The following ENOX1 variants were observed in gnomAD, a reference collection of about 807,000 sequenced individuals.
ENOX1 encodes the protein ecto-NOX disulfide-thiol exchanger 1, also known as candidate growth-related and time keeping constitutive hydroquinone (NADH) oxidase.
In ENOX1, 42 loss-of-function variants were observed where a neutral mutation model predicts 82.5. That is an observed-to-expected ratio of 0.51 (90% confidence interval 0.40 to 0.66). The LOEUF is 0.66. ENOX1 is among the 30% of genes least tolerant of loss of function. The pLI is 0.00. For synonymous variants in ENOX1, 271 were observed against 282.2 expected, an observed-to-expected ratio of 0.96 and a Z score of 0.40; for missense variants, 608 against 811.6, an observed-to-expected ratio of 0.75 and a Z score of 3.05.
At chr13:43,760,360 G>C (rs1950893918) in intron 1 of ENOX1, among the ~76,000 whole-genome samples, 1 of 152,080 alleles carries the variant, frequency 6.6e-6, no homozygotes, top group Admixed American at 6.6e-5. Flanking sequence ...CAGTGCTCCT[G>C]GTAATCCTCA....
intron 1 of ENOX1, among the ~76,000 whole-genome samples, chr13:43,699,209 G>A (rs1018383072): frequency 1.8e-4 from 27 of 152,196 alleles, no homozygotes; most frequent in African/African-American, 6.0e-4. Context: ...CATCAGCTAA[G>A]AAATGACTTG....
intron 11 of ENOX1, among the ~76,000 whole-genome samples, chr13:43,317,730 G>A (rs1366043195): frequency 6.6e-6 from 1 of 151,848 alleles, no homozygotes; most frequent in African/African-American, 2.4e-5. Flanking sequence ...TCCGGGCCAG[G>A]CGTGGTGGCT....
At chr13:43,262,249 G>A (rs1056986962) in intron 14 of ENOX1, among the ~76,000 whole-genome samples, 3 of 151,854 alleles carry the variant, frequency 2.0e-5, no homozygotes, top group Admixed American at 6.6e-5. Flanking sequence ...TAATTTGCAA[G>A]CTTCAAACAT....
At chr13:43,739,817 TTTC>T (rs2089815108) in intron 1 of ENOX1, among the ~76,000 whole-genome samples, 1 of 151,886 alleles carries the variant, frequency 6.6e-6, no homozygotes, top group Non-Finnish European at 1.5e-5. Context: ...AAACTCAAAT[TTTC>T]TTCTGCCTCT....
At chr13:43,318,965 C>T (rs755439534) in intron 11 of ENOX1, among the ~76,000 whole-genome samples, 17 of 151,492 alleles carry the variant, frequency 1.1e-4, no homozygotes, top group Non-Finnish European at 1.5e-4. Context: ...ACAGAGTCAA[C>T]CTGGAGGGAG....
At chr13:43,367,297 T>TTATTATTATA (rs1262850210) in intron 5 of ENOX1, among the ~76,000 whole-genome samples, 3 of 152,198 alleles carry the variant, frequency 2.0e-5, no homozygotes, top group African/African-American at 7.2e-5. Flanking sequence ...GATATGTTAA[T>TTATTATTATA]TATTATTATA....
chr13:43,766,510 G>A lies in ENOX1; in HGVS notation c.-285+20142C>T, dbSNP rs571920995. ...GCACTCAAGCCAAAGCACCACAATCGTCCCAGCCTCCGGGACAATGGGGTA... is the reference window on the plus strand; with the variant it reads ...GCACTCAAGCCAAAGCACCACAATCATCCCAGCCTCCGGGACAATGGGGTA... On this transcript the variant is annotated intron_variant, in intron 1 of 16. Coordinates refer to ENST00000690772, the MANE Select transcript of ENOX1 (RefSeq NM_001347969.2). Among the ~76,000 whole-genome samples the A allele has an allele frequency of 5.9e-5, 9 of 152,232 alleles. 1 individual carries two copies. In the East Asian group the frequency reaches 9.7e-4, roughly 16 times the overall value.
chr13:43,581,188 A>C (rs1488487523), intron 2 of ENOX1, among the ~76,000 whole-genome samples: 1 of 119,612 alleles, frequency 8.4e-6, no homozygotes, highest in African/African-American at 3.2e-5. Flanking sequence ...GCTGGAGTGC[A>C]GTGGCGGGAT....
chr13:43,552,128 TA>T (rs938148224), intron 2 of ENOX1, among the ~76,000 whole-genome samples: 1 of 151,786 alleles, frequency 6.6e-6, no homozygotes, highest in African/African-American at 2.4e-5. Flanking sequence ...AGCCCTGACT[TA>T]AGAAAAAAAA....
At chr13:43,404,474 C>A (rs142078111) in intron 5 of ENOX1, among the ~76,000 whole-genome samples, 1 of 152,310 alleles carries the variant, frequency 6.6e-6, no homozygotes, top group African/African-American at 2.4e-5. Context: ...TTCCTGCTAA[C>A]TAGATAAGTC....
intron 15 of ENOX1, among the ~76,000 whole-genome samples, chr13:43,234,232 C>T (rs906557580): frequency 5.9e-5 from 9 of 152,070 alleles, no homozygotes; most frequent in African/African-American, 2.2e-4. Context: ...AAACTCTTTC[C>T]CATTGTGGCA....
At chr13:43,568,364 A>G (rs1026035919) in intron 2 of ENOX1, among the ~76,000 whole-genome samples, 1 of 152,152 alleles carries the variant, frequency 6.6e-6, no homozygotes, top group African/African-American at 2.4e-5. Flanking sequence ...TTAAAATTCC[A>G]GCTTTTGCCA....
intron 1 of ENOX1, among the ~76,000 whole-genome samples, chr13:43,711,491 A>C (rs1262776956): frequency 6.6e-5 from 10 of 152,056 alleles, no homozygotes; most frequent in Admixed American, 6.6e-4. Flanking sequence ...CTGAGGAATC[A>C]CCATACTGAC....
At chr13:43,320,874 C>T (rs1372526868) in intron 11 of ENOX1, among the ~76,000 whole-genome samples, 1 of 152,204 alleles carries the variant, frequency 6.6e-6, no homozygotes, top group East Asian at 1.9e-4. Flanking sequence ...TCACACAAAT[C>T]CTTGCCCCCT....
intron 5 of ENOX1, among the ~76,000 whole-genome samples, chr13:43,365,150 C>T (rs1466131857): frequency 1.3e-5 from 2 of 152,212 alleles, no homozygotes; most frequent in Non-Finnish European, 2.9e-5. Context: ...CTAGCCATGC[C>T]TTGCTCCTTT....
At chr13:43,776,918 CTG>C (rs1951949917) in intron 1 of ENOX1, among the ~76,000 whole-genome samples, 1 of 152,110 alleles carries the variant, frequency 6.6e-6, no homozygotes, top group Non-Finnish European at 1.5e-5. Flanking sequence ...ACTCAGAAAT[CTG>C]AGAAAGCAGC....
intron 3 of ENOX1, among the ~76,000 whole-genome samples, chr13:43,471,253 C>A (rs892882035): frequency 1.3e-5 from 2 of 151,828 alleles, no homozygotes; most frequent in African/African-American, 4.8e-5. Context: ...TTATATAAAG[C>A]CCTGAAAGAA....
chr13:43,478,944 C>CGGGGGAGAAACTCCCCAAGCCTTT, intron 3 of ENOX1, among the ~76,000 whole-genome samples: 1 of 151,032 alleles, frequency 6.6e-6, no homozygotes, highest in African/African-American at 2.4e-5. Context: ...AGAGCCATTT[C>CGGGGGAGAAACTCCCCAAGCCTTT]GGGGGAGAAA....
chr13:43,754,933 T>C (rs1478405622), intron 1 of ENOX1, among the ~76,000 whole-genome samples: 1 of 152,152 alleles, frequency 6.6e-6, no homozygotes, highest in African/African-American at 2.4e-5. Flanking sequence ...TCTGCTTCTG[T>C]TCTTATTGAT....
Sources: allele counts gnomAD v4.1 joint callset (sites outside exome capture counted in the v4.1 genomes callset), GRCh38; gene constraint gnomAD v4.1.1; transcripts MANE v1.5; gene names NCBI Gene and HGNC (gene_info 2026-07-23, HGNC 2026-07-21).